The following CARD8 variants were observed in gnomAD, a reference collection of about 807,000 sequenced individuals.
CARD8 encodes the protein caspase recruitment domain family member 8, also known as caspase recruitment domain-containing protein 8.
CARD8 carries 38 observed loss-of-function variants against 53.2 expected under a neutral mutation model. The observed-to-expected ratio is 0.71, with a 90% CI of 0.55 to 0.94. CARD8 has a LOEUF of 0.94. Ranked by LOEUF, CARD8 falls within the 40% of genes least tolerant of loss-of-function variation. The probability of loss-of-function intolerance (pLI) is 0.00; values close to 1 mark genes in which losing one functional copy is unlikely to be tolerated. For missense variants in CARD8, 561 were observed against 655.5 expected, an observed-to-expected ratio of 0.86 and a Z score of 1.57; for synonymous variants, 245 against 244.9, an observed-to-expected ratio of 1.00 and a Z score of 0.00.
Position 48,212,865 on chromosome 19 carries a change from T to C in CARD8, c.1349-890A>G, listed in dbSNP as rs1032599940. On this transcript the variant is annotated intron_variant, in intron 13 of 13. Transcript: ENST00000651546. ...TCATTGCACCTCCAGATGTGAGGCA[T>C]GATTTCTTTTTATTTAATCTGCCTC... is the stretch of plus-strand genomic sequence containing the variant. 8 of 152,364 alleles carry C rather than the reference T, an allele frequency of 5.3e-5. No homozygotes were observed. The East Asian group carries it at 9.6e-4, about 18-fold the overall frequency. The allele number at this position is 152,364 out of a possible 1,614,324, so 9.4% of individuals were successfully genotyped here. A position where few individuals can be genotyped will look rare whatever the true frequency, so the allele number is the denominator to read the frequency against.
Position 48,211,760 on chromosome 19 carries a change from T to C in CARD8, c.1564A>G (p.Ser522Gly). 1 of 1,614,206 alleles carries C rather than the reference T, an allele frequency of 6.2e-7. No homozygotes were observed. Among genetic ancestry groups the C allele is most frequent in the Non-Finnish European group, 8.5e-7 (1 of 1,180,038 alleles). The change falls in exon 14 of 14, where the codon AGT becomes GGT. Residue 522 changes from serine (S) to glycine (G), a missense_variant. By Grantham distance (56) the Ser-to-Gly change is moderately conservative. Transcript: ENST00000651546. ...LALDVLFRSI[S>G]ERDPYLVSYL... is the part of the protein sequence containing the mutation. ...GACACGAGGTAAGGGTCCCTTTCAC[T>C]AATGCTTCTGAAGAGCACGTCCAGG...
Position 48,221,774 on chromosome 19 carries a change from T to A in CARD8, c.1117A>T (p.Ser373Cys). ...PPMEPLNFGSSYIVSNSANLK... is the reference protein window; with the variant it reads ...PPMEPLNFGSCYIVSNSANLK... ...TTAGCAGAATTAGACACAATATAAC[T>A]GGAACCAAAGTTCAGGGGTTCCATT... is the stretch of plus-strand genomic sequence containing the variant. Residue 373 changes from serine to cysteine, a missense_variant, in exon 11 of 14, where the codon AGT (serine) becomes TGT (cysteine). Transcript: ENST00000651546. 6.2e-7 allele frequency: 1 copy of A among 1,608,932 alleles called. No homozygotes were observed. Among genetic ancestry groups the A allele is most frequent in the Non-Finnish European group, 8.5e-7 (1 of 1,176,256 alleles).
Position 48,234,554 on chromosome 19 carries a change from A to G in CARD8, c.210-11T>C, listed in dbSNP as rs748636934. 2.3e-5 allele frequency: 37 copies of G among 1,609,922 alleles called. No homozygotes were observed. Among genetic ancestry groups the G allele is most frequent in the Non-Finnish European group, 3.0e-5 (35 of 1,178,534 alleles). ...AGCTCCCTGTATACCCTGGAAAACAACAACAGAATTTTTACTATGAATATA... is the reference window on the plus strand; with the variant it reads ...AGCTCCCTGTATACCCTGGAAAACAGCAACAGAATTTTTACTATGAATATA... On this transcript the variant is annotated splice_polypyrimidine_tract_variant and intron_variant, in intron 5 of 13. Transcript: ENST00000651546.
At chr19:48,224,037 C>A (rs2041242323) in intron 10 of CARD8, among the ~76,000 whole-genome samples, 2 of 152,176 alleles carry the variant, frequency 1.3e-5, no homozygotes, top group South Asian at 4.1e-4. Flanking sequence ...TCTCAGCTCA[C>A]TGCAACCTCT....
intron 10 of CARD8, among the ~76,000 whole-genome samples, chr19:48,229,253 G>T (rs1027011537): frequency 6.6e-6 from 1 of 151,164 alleles, no homozygotes; most frequent in Non-Finnish European, 1.5e-5. Flanking sequence ...GTGAAACAAT[G>T]AGGTTTTTCC....
At chr19:48,227,721 T>C (rs967988233) in intron 10 of CARD8, among the ~76,000 whole-genome samples, 3 of 151,226 alleles carry the variant, frequency 2.0e-5, no homozygotes, top group Non-Finnish European at 4.4e-5. Context: ...GAGAATCACT[T>C]GAACCCAGGA....
chr19:48,216,226 G>T (rs922671000), intron 12 of CARD8, among the ~76,000 whole-genome samples: 12 of 152,092 alleles, frequency 7.9e-5, no homozygotes, highest in South Asian at 4.1e-4. Flanking sequence ...GATGTTTACA[G>T]AGAAATGGAG....
intron 7 of CARD8, chr19:48,232,072 C>A: frequency 1.7e-6 from 1 of 575,522 alleles, no homozygotes; most frequent in East Asian, 3.1e-5. Context: ...TGGGAGGCAC[C>A]ATTTGCTGAG....
At position 48,211,320 on chromosome 19, in the gene CARD8, C is replaced by T. The variant is rs1354809072; in HGVS notation, c.*390G>A. On this transcript the variant is annotated 3_prime_UTR_variant, in exon 14 of 14. Transcript: ENST00000651546. ...TTTTAGTTATGAGAAGGTGATACTT[C>T]AAACGGAGTGTCCATAGGAATTATT... The T allele has an allele frequency of 6.1e-6, 1 of 163,608 alleles. No homozygotes were observed. The highest frequency in any genetic ancestry group is 1.3e-5 in the Non-Finnish European group (1 of 75,242). The allele number at this position is 163,608 out of a possible 1,614,324, so 10.1% of individuals were successfully genotyped here. A position where few individuals can be genotyped will look rare whatever the true frequency, so the allele number is the denominator to read the frequency against.
intron 8 of CARD8, 84 bp from the exon 9 acceptor site, chr19:48,231,090 G>T: frequency 8.8e-7 from 1 of 1,138,576 alleles, no homozygotes. Context: ...GGTGGGATTT[G>T]AAGTGAGGCA....
chr19:48,223,701 A>G lies in CARD8; in HGVS notation c.1036-1846T>C, dbSNP rs187935364. 2.8e-5 allele frequency: 10 copies of G among 362,904 alleles called. No homozygotes were observed. The East Asian group carries it at 6.7e-4, about 24-fold the overall frequency. 22.5% of individuals were successfully genotyped at this position (362,904 alleles called of 1,614,324 possible). ...GTTATGATTACGGACAGATTTCTGT[A>G]GGTGTTGAGAGACATACCACTGGAT... On this transcript the variant is annotated intron_variant, in intron 10 of 13. Coordinates refer to ENST00000651546, the MANE Select transcript of CARD8 (RefSeq NM_001184900.3).
At chr19:48,238,691 C>T (rs1162969196) in intron 4 of CARD8, among the ~76,000 whole-genome samples, 159 bp from the exon 5 acceptor site, 3 of 152,166 alleles carry the variant, frequency 2.0e-5, no homozygotes, top group South Asian at 2.1e-4. Flanking sequence ...AGATATCCAT[C>T]CTTAGACATG....
chr19:48,226,734 C>T (rs984091018), intron 10 of CARD8, among the ~76,000 whole-genome samples: 1 of 151,978 alleles, frequency 6.6e-6, no homozygotes, highest in Non-Finnish European at 1.5e-5. Context: ...GGCACTAAAG[C>T]TGGCAGTGAA....
At chr19:48,244,746 C>G (rs10500300) in intron 3 of CARD8, among the ~76,000 whole-genome samples, 7,642 of 152,058 alleles carry the variant, frequency 0.05, 629 homozygotes, top group African/African-American at 0.17. Flanking sequence ...AAAGATATTA[C>G]CAGAGCATTG....
At position 48,211,740 on chromosome 19, in the gene CARD8, G is replaced by A. The variant is rs140428405; in HGVS notation, c.1584C>T (p.Leu528=). 7.1e-4 allele frequency: 1,138 copies of A among 1,614,068 alleles called. 3 individuals carry two copies. The highest frequency in any genetic ancestry group is 8.9e-4 in the Non-Finnish European group (1,045 of 1,179,962). The change falls in exon 14 of 14, where the codon CTC becomes CTT. Residue 528 remains leucine (L), a synonymous_variant. Transcript: ENST00000651546. ...AATTCTGCTGTCTAAGATAGGACAC[G>A]AGGTAAGGGTCCCTTTCACTAATGC... ...FRSISERDPY[L]VSYLRQQNL
intron 1 of CARD8, among the ~76,000 whole-genome samples, chr19:48,253,192 G>A (rs1406511085): frequency 6.6e-6 from 1 of 152,154 alleles, no homozygotes; most frequent in Non-Finnish European, 1.5e-5. Context: ...GTGTGTGAGA[G>A]TACAGGTGCA....
chr19:48,222,050 A>G (rs934212757), intron 10 of CARD8, among the ~76,000 whole-genome samples, 195 bp from the exon 11 acceptor site: 1 of 152,236 alleles, frequency 6.6e-6, no homozygotes, highest in African/African-American at 2.4e-5. Flanking sequence ...CTCTATGCAC[A>G]AAGAGACATA....
rs536224036 is a variant in CARD8 at position 48,210,417 on chromosome 19, G to T, written c.*1293C>A. 107 of 152,196 alleles carry T rather than the reference G, an allele frequency of 7.0e-4. 1 individual carries two copies. Among genetic ancestry groups the T allele is most frequent in the Middle Eastern group, 3.4e-3 (1 of 292 alleles). The allele number at this position is 152,196 out of a possible 1,614,324, so 9.4% of individuals were successfully genotyped here. On this transcript the variant is annotated 3_prime_UTR_variant, in exon 14 of 14. Coordinates refer to ENST00000651546, the MANE Select transcript of CARD8 (RefSeq NM_001184900.3). ...TAATGAAGGAAGAGCAACAGAAATGGTAAATATCTGGAAAAACATAACAGA... is the reference window on the plus strand; with the variant it reads ...TAATGAAGGAAGAGCAACAGAAATGTTAAATATCTGGAAAAACATAACAGA...
chr19:48,213,725 T>C (rs1334275303), intron 13 of CARD8, among the ~76,000 whole-genome samples: 2 of 152,158 alleles, frequency 1.3e-5, no homozygotes, highest in African/African-American at 4.8e-5. Context: ...ATATACTAAT[T>C]CCAGTGTCCT....
Sources: allele counts gnomAD v4.1 joint callset (sites outside exome capture counted in the v4.1 genomes callset), GRCh38; gene constraint gnomAD v4.1.1; transcripts MANE v1.5; gene names NCBI Gene and HGNC (gene_info 2026-07-23, HGNC 2026-07-21).